The following CACNA1A variants were observed in gnomAD, a reference collection of about 807,000 sequenced individuals.
CACNA1A encodes the protein calcium voltage-gated channel subunit alpha1 A.
A neutral mutation model predicts 262.4 loss-of-function variants in CACNA1A; 57 were observed. That is an observed-to-expected ratio of 0.22 (90% confidence interval 0.18 to 0.27). The LOEUF (loss-of-function observed/expected upper bound fraction) is 0.27, where lower values mean the gene tolerates loss of function less well. CACNA1A is among the 10% of genes least tolerant of loss of function. CACNA1A has a pLI of 1.00. For synonymous variants in CACNA1A, 1,431 were observed against 1,419.3 expected (o/e 1.01, Z -0.18); for missense variants, 2,526 against 3,562.8 (o/e 0.71, Z 7.41).
chr19:13,233,828 C>T (rs1215065214), intron 34 of CACNA1A, among the ~76,000 whole-genome samples: 2 of 152,074 alleles, frequency 1.3e-5, no homozygotes, highest in Admixed American at 6.6e-5. Flanking sequence ...CTTTTTCCAG[C>T]ATCCTCTATA....
intron 19 of CACNA1A, among the ~76,000 whole-genome samples, chr19:13,293,665 C>T (rs1211436201): frequency 6.7e-6 from 1 of 149,758 alleles, no homozygotes; most frequent in Admixed American, 6.7e-5. Context: ...ACCATATTAG[C>T]CAGGATGGTC....
chr19:13,494,342 T>C (rs1981246855), intron 1 of CACNA1A, among the ~76,000 whole-genome samples: 1 of 152,080 alleles, frequency 6.6e-6, no homozygotes, highest in South Asian at 2.1e-4. Flanking sequence ...TTGGAGGAGG[T>C]AACTTTTGGG....
intron 36 of CACNA1A, 120 bp downstream of exon 36, chr19:13,229,962 G>A (rs2055602790): frequency 5.3e-6 from 6 of 1,133,036 alleles, no homozygotes; most frequent in Non-Finnish European, 7.5e-6. Flanking sequence ...CTGAACCTGT[G>A]AGACCCCTGC....
In CACNA1A at chr19:13,241,489, G is replaced by A. The variant is rs1321691369; in HGVS notation, c.4950+3693C>T. Reference sequence around the variant, plus strand: ...GAGATGCGTTCACAGTTAATGTAAGGCATTTAGACTTCAGAAAGAAGTAAG... The same window carrying A: ...GAGATGCGTTCACAGTTAATGTAAGACATTTAGACTTCAGAAAGAAGTAAG... On this transcript the variant is annotated intron_variant, in intron 31 of 46. Transcript: ENST00000360228. The surrounding 1 kb of genome is among the most constrained non-coding windows in gnomAD (Gnocchi z 4.0). 1 of 1,326,464 alleles carries A rather than the reference G, an allele frequency of 7.5e-7. No homozygotes were observed. Among genetic ancestry groups the A allele is most frequent in the Admixed American group, 2.1e-5 (1 of 46,748 alleles). The allele number at this position is 1,326,464 out of a possible 1,614,324, so 82.2% of individuals were successfully genotyped here. A position where few individuals can be genotyped will look rare whatever the true frequency, so the allele number is the denominator to read the frequency against.
At chr19:13,329,535 C>G (rs1168062918) in intron 10 of CACNA1A, among the ~76,000 whole-genome samples, 5 of 140,144 alleles carry the variant, frequency 3.6e-5, no homozygotes, top group African/African-American at 1.4e-4. Flanking sequence ...GTTGCCCAGG[C>G]TGGAGGGCAG....
intron 38 of CACNA1A, among the ~76,000 whole-genome samples, chr19:13,222,799 A>G (rs781522970): frequency 1.3e-5 from 2 of 149,688 alleles, no homozygotes; most frequent in Non-Finnish European, 3.0e-5. Flanking sequence ...GGTTCAAGTG[A>G]TTCTCCTGCC....
intron 38 of CACNA1A, among the ~76,000 whole-genome samples, 161 bp downstream of exon 38, chr19:13,224,505 AC>A (rs1374154064): frequency 1.4e-5 from 2 of 138,198 alleles, no homozygotes; most frequent in Admixed American, 1.5e-4. Flanking sequence ...AAAAAAAAAA[AC>A]ACCAAAACCC....
intron 1 of CACNA1A, among the ~76,000 whole-genome samples, chr19:13,496,652 C>T (rs935566149): frequency 2.6e-5 from 4 of 152,180 alleles, no homozygotes; most frequent in East Asian, 1.9e-4. Context: ...ACAACACAGA[C>T]GCCAAAAATA....
chr19:13,389,027 C>T (rs1314310623), intron 3 of CACNA1A, among the ~76,000 whole-genome samples: 8 of 152,018 alleles, frequency 5.3e-5, no homozygotes, highest in Non-Finnish European at 1.2e-4. Context: ...CTCAGCCTCC[C>T]GAGTAGTTGG....
intron 3 of CACNA1A, among the ~76,000 whole-genome samples, chr19:13,412,538 C>T (rs555535564): frequency 1.7e-4 from 26 of 150,512 alleles, no homozygotes; most frequent in African/African-American, 5.6e-4. Flanking sequence ...AGTGCAGTGG[C>T]GCGATCTCAG....
chr19:13,463,484 C>A (rs146981964), intron 1 of CACNA1A, among the ~76,000 whole-genome samples: 2 of 152,294 alleles, frequency 1.3e-5, no homozygotes, highest in East Asian at 3.9e-4. Flanking sequence ...GCAACCCTAG[C>A]GCTGCCCGGG....
intron 24 of CACNA1A, among the ~76,000 whole-genome samples, chr19:13,270,253 GA>G (rs1483739570): frequency 6.6e-6 from 1 of 152,186 alleles, no homozygotes; most frequent in Non-Finnish European, 1.5e-5. Flanking sequence ...CACATCTAGA[GA>G]GAAATCAAAC....
intron 12 of CACNA1A, among the ~76,000 whole-genome samples, chr19:13,309,931 T>G (rs12975301): frequency 0.13 from 19,065 of 152,118 alleles, 1,429 homozygotes; most frequent in Middle Eastern, 0.2. Flanking sequence ...CAAAACATTT[T>G]CATCACCCCC....
intron 37 of CACNA1A, 83 bp downstream of exon 37, chr19:13,227,348 C>A: frequency 6.9e-6 from 4 of 582,532 alleles, no homozygotes; most frequent in Middle Eastern, 3.5e-4. Context: ...CCGGGTGTTT[C>A]TGGTCAGCAC....
intron 31 of CACNA1A, among the ~76,000 whole-genome samples, chr19:13,240,555 G>A (rs2056042467): frequency 6.7e-6 from 1 of 149,104 alleles, no homozygotes; most frequent in Non-Finnish European, 1.5e-5. Context: ...TGTGCAGTGT[G>A]TGCATAGTGA....
At chr19:13,458,399 C>T (rs1442953928) in intron 1 of CACNA1A, among the ~76,000 whole-genome samples, 2 of 152,060 alleles carry the variant, frequency 1.3e-5, no homozygotes, top group African/African-American at 2.4e-5. Context: ...GACCTTTCTT[C>T]CTCAGCCTCC....
intron 19 of CACNA1A, among the ~76,000 whole-genome samples, chr19:13,289,727 C>A (rs2057490479): frequency 6.6e-6 from 1 of 152,032 alleles, no homozygotes; most frequent in Non-Finnish European, 1.5e-5. Context: ...ATTCTCAGGC[C>A]TTGAAACCTA....
In CACNA1A at chr19:13,277,316, G is replaced by A. The variant is rs1012131741; in HGVS notation, c.3823-188C>T. The A allele has an allele frequency of 7.7e-6, 4 of 521,140 alleles. No homozygotes were observed. In the Admixed American group the frequency reaches 9.7e-5, roughly 13 times the overall value. 32.3% of individuals were successfully genotyped at this position (521,140 alleles called of 1,614,324 possible). A position where few individuals can be genotyped will look rare whatever the true frequency, so the allele number is the denominator to read the frequency against. ...CCATCTCTTTTCATACTGCAGATTTGTATGTTGTGAATGAAATTGTCCAGC... is the reference window on the plus strand; with the variant it reads ...CCATCTCTTTTCATACTGCAGATTTATATGTTGTGAATGAAATTGTCCAGC... On this transcript the variant is annotated intron_variant, in intron 22 of 46. Transcript: ENST00000360228.
chr19:13,413,700 G>A (rs181940451), intron 3 of CACNA1A, among the ~76,000 whole-genome samples: 2,805 of 142,930 alleles, frequency 0.02, 96 homozygotes, highest in African/African-American at 0.07. Flanking sequence ...CCAACATAGC[G>A]AAACCCCGTC....
Sources: allele counts gnomAD v4.1 joint callset (sites outside exome capture counted in the v4.1 genomes callset), GRCh38; gene constraint gnomAD v4.1.1; non-coding constraint Gnocchi (gnomAD v3.1); transcripts MANE v1.5; gene names NCBI Gene and HGNC (gene_info 2026-07-23, HGNC 2026-07-21).